The following FAF1 variants were observed in gnomAD, a reference collection of about 807,000 sequenced individuals.
FAF1 encodes Fas associated factor 1, also known as FAS-associated factor 1.
Under a neutral mutation model 92.5 loss-of-function variants are expected in FAF1, and 25 were observed. That is an observed-to-expected ratio of 0.27 (90% CI 0.20 to 0.38). FAF1 has a LOEUF of 0.38. Among genes scored for constraint, FAF1 ranks in the 10% least tolerant of loss-of-function variants. FAF1 has a pLI of 1.00. For synonymous variants in FAF1, 234 were observed against 273.2 expected (o/e 0.86, Z 1.42); for missense variants, 636 against 793.3 (o/e 0.80, Z 2.38).
intron 2 of FAF1, among the ~76,000 whole-genome samples, chr1:50,820,251 G>A (rs907533673): frequency 5.9e-5 from 9 of 152,154 alleles, no homozygotes; most frequent in East Asian, 1.9e-4. Flanking sequence ...TCAAGTATTC[G>A]TATTCTGATA....
intron 4 of FAF1, among the ~76,000 whole-genome samples, chr1:50,767,643 T>TTGG (rs894530264): frequency 6.6e-6 from 1 of 152,006 alleles, no homozygotes; most frequent in Non-Finnish European, 1.5e-5. Flanking sequence ...CCAGAAGAGA[T>TTGG]TGGGGGTTTA....
intron 15 of FAF1, among the ~76,000 whole-genome samples, chr1:50,527,856 T>TCTCC (rs1446669648): frequency 9.3e-6 from 1 of 107,368 alleles, no homozygotes; most frequent in African/African-American, 4.5e-5. Context: ...TCTCTCCCTC[T>TCTCC]CTCCCTCTCT....
intron 8 of FAF1, among the ~76,000 whole-genome samples, chr1:50,645,315 T>C (rs936871326): frequency 6.6e-6 from 1 of 152,264 alleles, no homozygotes. Flanking sequence ...TGATTCTGCA[T>C]GTGTATGCAA....
chr1:50,530,495 AAGGGTGGTG>A (rs1648092741), intron 15 of FAF1, among the ~76,000 whole-genome samples: 2 of 145,534 alleles, frequency 1.4e-5, no homozygotes, highest in African/African-American at 5.0e-5. Context: ...AGAGGTTGGG[AAGGGTGGTG>A]GGGGGAGGTG....
chr1:50,629,651 C>CTTTCTGTG (rs1465395596), intron 8 of FAF1, among the ~76,000 whole-genome samples: 1 of 152,202 alleles, frequency 6.6e-6, no homozygotes, highest in Non-Finnish European at 1.5e-5. Flanking sequence ...AATACCCCTT[C>CTTTCTGTG]TTTCTGTGTT....
At chr1:50,481,329 A>G (rs1252454033) in intron 17 of FAF1, among the ~76,000 whole-genome samples, 1 of 152,164 alleles carries the variant, frequency 6.6e-6, no homozygotes, top group Admixed American at 6.5e-5. Context: ...CAGTCTTGCA[A>G]GCTTCATTCA....
At chr1:50,685,071 G>A (rs11587750) in intron 7 of FAF1, among the ~76,000 whole-genome samples, 35,056 of 152,094 alleles carry the variant, frequency 0.23, 4,447 homozygotes, top group Middle Eastern at 0.44. Context: ...TCAGCTGAGT[G>A]TAGTCTTCTT....
At chr1:50,693,274 A>G (rs1286072632) in intron 7 of FAF1, among the ~76,000 whole-genome samples, 1 of 152,098 alleles carries the variant, frequency 6.6e-6, no homozygotes, top group Non-Finnish European at 1.5e-5. Flanking sequence ...ATTCTTGTGC[A>G]TGTAGATATC....
intron 15 of FAF1, among the ~76,000 whole-genome samples, chr1:50,526,300 A>G (rs1290674605): frequency 6.6e-6 from 1 of 151,736 alleles, no homozygotes; most frequent in African/African-American, 2.4e-5. Context: ...TTTTAAAATT[A>G]TTTATTATTT....
intron 13 of FAF1, 86 bp from the exon 14 acceptor site, chr1:50,539,814 T>C (rs1055295928): frequency 1.1e-5 from 11 of 958,858 alleles, no homozygotes; most frequent in Non-Finnish European, 1.7e-5. Flanking sequence ...ATTGTGTTAT[T>C]AGTTATGTTA....
chr1:50,479,100 G>T (rs1646671085), intron 17 of FAF1, among the ~76,000 whole-genome samples: 1 of 152,112 alleles, frequency 6.6e-6, no homozygotes, highest in Non-Finnish European at 1.5e-5. Context: ...TAGGTTTTGG[G>T]GTATGACAGA....
chr1:50,842,193 T>C (rs1388043050), intron 2 of FAF1, among the ~76,000 whole-genome samples: 1 of 152,114 alleles, frequency 6.6e-6, no homozygotes, highest in East Asian at 1.9e-4. Context: ...CCCTTTCATG[T>C]TGACTAACTA....
intron 12 of FAF1, among the ~76,000 whole-genome samples, chr1:50,573,500 C>T (rs1650553887): frequency 1.3e-5 from 2 of 152,028 alleles, no homozygotes; most frequent in African/African-American, 4.8e-5. Flanking sequence ...GTCAATGGCC[C>T]CATATGTTCA....
At chr1:50,466,620 T>C (rs1451841781) in intron 18 of FAF1, among the ~76,000 whole-genome samples, 1 of 152,208 alleles carries the variant, frequency 6.6e-6, no homozygotes, top group African/African-American at 2.4e-5. Context: ...GTAATGTAAA[T>C]CTGTAAATTA....
At chr1:50,654,063 T>C (rs1157040384) in intron 8 of FAF1, among the ~76,000 whole-genome samples, 10 of 152,222 alleles carry the variant, frequency 6.6e-5, no homozygotes, top group Non-Finnish European at 1.3e-4. Context: ...ACTGTTTACA[T>C]TGTAATTAGA....
intron 17 of FAF1, among the ~76,000 whole-genome samples, chr1:50,486,061 T>C (rs1450515521): frequency 1.3e-5 from 2 of 152,180 alleles, no homozygotes; most frequent in African/African-American, 2.4e-5. Context: ...TTACCAATTT[T>C]GTAGAGTGGT....
chr1:50,496,763 C>T (rs1646903491), intron 15 of FAF1, among the ~76,000 whole-genome samples: 1 of 152,068 alleles, frequency 6.6e-6, no homozygotes, highest in Admixed American at 6.6e-5. Flanking sequence ...GTGGCACATG[C>T]CCGTAATCCC....
intron 13 of FAF1, among the ~76,000 whole-genome samples, chr1:50,557,907 C>CTTAGTTAT (rs1553226648): frequency 6.6e-6 from 1 of 150,520 alleles, no homozygotes; most frequent in Admixed American, 6.6e-5. Context: ...TTATAAATAT[C>CTTAGTTAT]TTATTTATTT....
chr1:50,570,939 C>T (rs1005102862), intron 12 of FAF1, among the ~76,000 whole-genome samples: 11 of 152,072 alleles, frequency 7.2e-5, no homozygotes, highest in South Asian at 4.1e-4. Flanking sequence ...AAACTGCTTT[C>T]GTGAAGAAAG....
Sources: gnomAD v4.1 joint callset for allele counts (sites outside exome capture counted in the v4.1 genomes callset) on GRCh38, gnomAD v4.1.1 for gene constraint, MANE v1.5 for transcripts, NCBI Gene and HGNC (gene_info 2026-07-23, HGNC 2026-07-21) for gene names.